Variants in TRIM2 observed in about 807,000 individuals in gnomAD.
TRIM2 encodes the protein tripartite motif containing 2, also known as tripartite motif-containing protein 2.
A neutral mutation model predicts 75.2 loss-of-function variants in TRIM2; 20 were observed. The ratio of observed to expected loss-of-function variants is 0.27; its 90% CI spans 0.19 to 0.39. The LOEUF (loss-of-function observed/expected upper bound fraction) is 0.39. Among genes scored for constraint, TRIM2 ranks in the 10% least tolerant of loss-of-function variants. The probability of loss-of-function intolerance (pLI) is 1.00; values close to 1 mark genes in which losing one functional copy is unlikely to be tolerated. For synonymous variants in TRIM2, 373 were observed against 388.3 expected (o/e 0.96, Z 0.46); for missense variants, 660 against 990.8 (o/e 0.67, Z 4.48).
intron 1 of TRIM2, among the ~76,000 whole-genome samples, chr4:153,159,278 A>G (rs1357510388): frequency 7.1e-6 from 1 of 140,930 alleles, no homozygotes; most frequent in Non-Finnish European, 1.6e-5. Context: ...TTAGAAGTTC[A>G]TTGAGTTTTT....
chr4:153,282,877 C>G (rs1288000637), intron 3 of TRIM2, among the ~76,000 whole-genome samples: 1 of 152,012 alleles, frequency 6.6e-6, no homozygotes, highest in Non-Finnish European at 1.5e-5. Flanking sequence ...CAGCCTCAAT[C>G]TCCTAGGCTC....
At position 153,298,263 on chromosome 4, in the gene TRIM2, A is replaced by G. The variant is rs143901586; in HGVS notation, c.1510+2227A>G. ...GCTGTCTTAGTTTGCTAAGGCTGCC[A>G]TAACAAAATTCCACAGTCTGAGTGA... On this transcript the variant is annotated intron_variant, in intron 6 of 11. Coordinates refer to ENST00000338700, the MANE Select transcript of TRIM2 (RefSeq NM_015271.5). Among the ~76,000 whole-genome samples, 1,098 of 152,368 alleles carry G rather than the reference A, an allele frequency of 7.2e-3. 20 individuals carry two copies. Among genetic ancestry groups the G allele is most frequent in the African/African-American group, 0.025 (1,036 of 41,586 alleles).
intron 1 of TRIM2, among the ~76,000 whole-genome samples, chr4:153,213,997 G>GA (rs67392718): frequency 0.035 from 5,151 of 146,850 alleles, 291 homozygotes; most frequent in African/African-American, 0.12. Flanking sequence ...GAGGAAAAAA[G>GA]AAAAAAAAAA....
intron 4 of TRIM2, 152 bp downstream of exon 4, chr4:153,293,285 A>T: frequency 1.2e-6 from 1 of 836,002 alleles, no homozygotes; most frequent in Non-Finnish European, 1.8e-6. Context: ...ATTTGTTGTC[A>T]TAAACTAATG....
Position 153,314,406 on chromosome 4 carries a change from C to T in TRIM2, c.1511-1079C>T, listed in dbSNP as rs1049564635. Among the ~76,000 whole-genome samples the T allele has an allele frequency of 2.5e-4, 28 of 110,226 alleles. 1 individual carries two copies. The East Asian group carries it at 5.4e-3, about 21-fold the overall frequency. 72.3% of individuals were successfully genotyped at this position (110,226 alleles called of 152,430 possible). A position where few individuals can be genotyped will look rare whatever the true frequency, so the allele number is the denominator to read the frequency against. On this transcript the variant is annotated intron_variant, in intron 6 of 11. Coordinates refer to ENST00000338700, the MANE Select transcript of TRIM2 (RefSeq NM_015271.5). ...CTGCACTCCAGCCTGGGCGACAGAGCGAGACTCCGTCTCAAAAAAAAAAAA... is the reference window on the plus strand; with the variant it reads ...CTGCACTCCAGCCTGGGCGACAGAGTGAGACTCCGTCTCAAAAAAAAAAAA...
chr4:153,161,590 T>A (rs984474738), intron 1 of TRIM2, among the ~76,000 whole-genome samples: 1 of 152,228 alleles, frequency 6.6e-6, no homozygotes, highest in Admixed American at 6.5e-5. Flanking sequence ...TTGGGAATAT[T>A]CTGCTCCCCT....
intron 8 of TRIM2, 36 bp from the exon 9 acceptor site, chr4:153,322,612 A>C (rs367806786): frequency 1.2e-6 from 2 of 1,606,958 alleles, no homozygotes; most frequent in Non-Finnish European, 1.7e-6. Context: ...CTTTGACTCT[A>C]TACTGTACTT....
In TRIM2 at chr4:153,338,949, A is replaced by AG. The variant is rs200422575; in HGVS notation, c.*3987dup. On this transcript the variant is annotated 3_prime_UTR_variant, in exon 12 of 12. Coordinates refer to ENST00000338700, the MANE Select transcript of TRIM2 (RefSeq NM_015271.5). ...CTTTCAAGCCTATGTATGAATATGA[A>AG]GGGGTTTTTTTTTTTTGCTTTGTTT... 1.5e-5 allele frequency: 14 copies of AG among 959,342 alleles called. 1 individual carries two copies. Among genetic ancestry groups the AG allele is most frequent in the East Asian group, 1.2e-4 (1 of 8,548 alleles). The allele number at this position is 959,342 out of a possible 1,614,324, so 59.4% of individuals were successfully genotyped here.
At chr4:153,280,951 T>C (rs1759200943) in intron 3 of TRIM2, among the ~76,000 whole-genome samples, 1 of 152,196 alleles carries the variant, frequency 6.6e-6, no homozygotes, top group South Asian at 2.1e-4. Flanking sequence ...CCCAAAGTGC[T>C]GGGATTACAG....
intron 11 of TRIM2, among the ~76,000 whole-genome samples, chr4:153,331,177 G>T (rs1771399482): frequency 6.6e-6 from 1 of 152,036 alleles, no homozygotes; most frequent in Non-Finnish European, 1.5e-5. Context: ...ACAAAGATTA[G>T]CCAGACATGG....
intron 1 of TRIM2, among the ~76,000 whole-genome samples, chr4:153,260,680 CCACACACCCACCCCCCCCCCCACACACA>C (rs1753190950): frequency 1.1e-5 from 1 of 90,750 alleles, no homozygotes; most frequent in Non-Finnish European, 2.3e-5. Flanking sequence ...ACACACCCAC[CCACACACCCACCCCCCCCCCCACACACA>C]CACACACACA....
At chr4:153,154,729 C>T (rs34205168) in intron 1 of TRIM2, among the ~76,000 whole-genome samples, 66,002 of 152,030 alleles carry the variant, frequency 0.43, 15,548 homozygotes, top group Non-Finnish European at 0.55. Flanking sequence ...CTTGTACACA[C>T]ATGGTGTCCA....
At chr4:153,162,463 C>T (rs1287068321) in intron 1 of TRIM2, among the ~76,000 whole-genome samples, 1 of 152,184 alleles carries the variant, frequency 6.6e-6, no homozygotes, top group African/African-American at 2.4e-5. Context: ...CTCTCTTACA[C>T]AGGAAAGCAT....
chr4:153,253,893 G>A (rs1001518495), intron 1 of TRIM2, among the ~76,000 whole-genome samples: 1 of 152,202 alleles, frequency 6.6e-6, no homozygotes, highest in Admixed American at 6.5e-5. Flanking sequence ...TGGGGAACCA[G>A]CAGCCCTCAG....
At position 153,299,355 on chromosome 4, in the gene TRIM2, G is replaced by GTA. The variant is rs139493331; in HGVS notation, c.1510+3332_1510+3333dup. ...ATAGTATTCCATTGTGTGTGTATGTGTATATATATATATACACACAGTGAA... is the reference window on the plus strand; with the variant it reads ...ATAGTATTCCATTGTGTGTGTATGTGTATATATATATATATACACACAGTGAA... On this transcript the variant is annotated intron_variant, in intron 6 of 11. Transcript: ENST00000338700. Among the ~76,000 whole-genome samples the GTA allele has an allele frequency of 9.9e-4, 149 of 150,614 alleles. 1 individual carries two copies. The highest frequency in any genetic ancestry group is 2.2e-3 in the African/African-American group (90 of 41,086).
rs529773376 is a variant in TRIM2 at position 153,248,643 on chromosome 4, C to G, written c.31-21692C>G. 1.2e-3 allele frequency among the ~76,000 whole-genome samples: 180 copies of G among 152,334 alleles called. 2 individuals are homozygous for G. The South Asian group carries it at 0.016, about 13-fold the overall frequency. On this transcript the variant is annotated intron_variant, in intron 1 of 11. Transcript: ENST00000338700. This position sits in a 1 kb window ranked among gnomAD's most constrained non-coding sequence, Gnocchi z 4.0. ...GAGCAACCTGCAGATAAAGCAAATC[C>G]AGATATGTCTCCAGAGCCCGTGCCT...
rs1285958679 is a variant in TRIM2 at position 153,276,050 on chromosome 4, G to A, written c.373G>A (p.Ala125Thr). Residue 125 changes from alanine (A) to threonine (T), a missense_variant, in exon 3 of 12, where the codon GCT becomes ACT. Physicochemically the swap from Ala to Thr is moderately conservative, Grantham distance 58. This residue lies in a region of TRIM2 where 620 missense variants were observed against 891.0 expected (regional missense o/e 0.70). Transcript: ENST00000338700. ...GCTGCAGCGAACTCCAGGCAGCAAC[G>A]CTGAGGAGTCTTCCATCCTGGAGAC... ...DVLQRTPGSN[A>T]EESSILETVT... 10 of 1,614,084 alleles carry A rather than the reference G, an allele frequency of 6.2e-6. No homozygotes were observed. The highest frequency in any genetic ancestry group is 4.5e-5 in the East Asian group (2 of 44,894).
chr4:153,203,007 A>G (rs1423049052), upstream of TRIM2, among the ~76,000 whole-genome samples: 1 of 149,144 alleles, frequency 6.7e-6, no homozygotes, highest in Non-Finnish European at 1.5e-5. Context: ...CAGGAGCCTG[A>G]GGCACAAGAA....
At chr4:153,154,135 C>T (rs971318202) in intron 1 of TRIM2, among the ~76,000 whole-genome samples, 3 of 152,214 alleles carry the variant, frequency 2.0e-5, no homozygotes, top group Admixed American at 1.3e-4. Context: ...CGGCCCTTCC[C>T]TAAAGGTTCC....
Sources: gnomAD v4.1 joint callset for allele counts (sites outside exome capture counted in the v4.1 genomes callset) on GRCh38, gnomAD v4.1.1 for gene constraint, gnomAD v4.1.1 regional missense constraint, Gnocchi (gnomAD v3.1) non-coding constraint, MANE v1.5 for transcripts, NCBI Gene and HGNC (gene_info 2026-07-23, HGNC 2026-07-21) for gene names.